The following PXDN variants were observed in gnomAD, a reference collection of about 807,000 sequenced individuals.
The protein encoded by PXDN is peroxidasin homolog.
A neutral mutation model predicts 140.3 loss-of-function variants in PXDN; 77 were observed. That is an observed-to-expected ratio of 0.55 (90% CI 0.46 to 0.66). PXDN has a LOEUF of 0.66. PXDN is among the 30% of genes least tolerant of loss of function. PXDN has a pLI of 0.00. For missense variants in PXDN, 1,838 were observed against 2,039.5 expected (o/e 0.90, Z 1.90); for synonymous variants, 911 against 857.4 (o/e 1.06, Z -1.09).
At chr2:1,675,740 G>A (rs564222167) in intron 8 of PXDN, among the ~76,000 whole-genome samples, 10 of 148,506 alleles carry the variant, frequency 6.7e-5, no homozygotes, top group African/African-American at 1.8e-4. Context: ...AGCCCAGCCC[G>A]GTTTGCCTCT....
chr2:1,640,845 G>A (rs1682709824), intron 19 of PXDN, among the ~76,000 whole-genome samples: 1 of 152,178 alleles, frequency 6.6e-6, no homozygotes, highest in Non-Finnish European at 1.5e-5. Context: ...AAGCAGCAGG[G>A]CCAGGACACG....
At chr2:1,672,062 A>C (rs1409160405) in intron 9 of PXDN, 2 of 151,842 alleles carry the variant, frequency 1.3e-5, no homozygotes, top group Non-Finnish European at 2.9e-5. Flanking sequence ...GGCAGTAGGC[A>C]GGTGTGGACT....
rs369039202 is a variant in PXDN at position 1,677,031 on chromosome 2, G to A, written c.744C>T (p.Ile248=). 23 of 1,603,866 alleles carry A rather than the reference G, an allele frequency of 1.4e-5. No individual in the cohort carries two copies. Among genetic ancestry groups the A allele is most frequent in the Non-Finnish European group, 2.0e-5 (23 of 1,173,294 alleles). ...CATCTGCGTCCTGGGGCTCGGAGGT[G>A]ATCCGGGGCCTTTCTGTGCCCAACC... ...PEELNCERPR[I]TSEPQDADVT... Residue 248 remains isoleucine, a synonymous_variant, in exon 8 of 23, where the codon ATC becomes ATT. Transcript: ENST00000252804.
Position 1,683,881 on chromosome 2 carries a change from T to G in PXDN, c.489-154A>C, listed in dbSNP as rs13396471. Among the ~76,000 whole-genome samples the G allele has an allele frequency of 0.019, 2,766 of 148,060 alleles. 43 individuals carry two copies. The highest frequency in any genetic ancestry group is 0.059 in the Admixed American group (857 of 14,570). ...ATGAATCTGAAAACAAAAGAAATGG[T>G]TTTTTTTTCCTGTTTTATCAACACT... On this transcript the variant is annotated intron_variant, in intron 5 of 22. Transcript: ENST00000252804.
intron 1 of PXDN, among the ~76,000 whole-genome samples, chr2:1,715,961 C>T (rs1326749755): frequency 1.3e-5 from 2 of 152,200 alleles, no homozygotes; most frequent in Non-Finnish European, 1.5e-5. Flanking sequence ...AACAATATAG[C>T]CCTCACCCAG....
At chr2:1,677,360 C>G (rs534554026) in intron 7 of PXDN, among the ~76,000 whole-genome samples, 89 of 152,356 alleles carry the variant, frequency 5.8e-4, no homozygotes, top group African/African-American at 2.1e-3. Flanking sequence ...AGCCAAACAC[C>G]TGTGCGGAGT....
At chr2:1,702,300 C>T (rs1231975488) in intron 1 of PXDN, among the ~76,000 whole-genome samples, 3 of 152,176 alleles carry the variant, frequency 2.0e-5, no homozygotes, top group Middle Eastern at 3.2e-3. Context: ...CAGGTGCCAC[C>T]CCCCCAACCC....
chr2:1,704,953 G>A (rs1684555458), intron 1 of PXDN, among the ~76,000 whole-genome samples: 1 of 152,102 alleles, frequency 6.6e-6, no homozygotes, highest in Non-Finnish European at 1.5e-5. Context: ...AAGAGCAGAT[G>A]ATGCATCATC....
rs1558515103 is a variant in PXDN at position 1,701,494 on chromosome 2, G to GTATTTTGGAGGAAGAGTGGGTAGGAC, written c.201-8386_201-8361dup. On this transcript the variant is annotated intron_variant, in intron 1 of 22. Coordinates refer to ENST00000252804, the MANE Select transcript of PXDN (RefSeq NM_012293.3). ...GGTGCCCAGAGTGGAGGGCAAGGGT[G>GTATTTTGGAGGAAGAGTGGGTAGGAC]TATTTTGGAGGAAGAGTGGGTAGGA... 1.1e-4 allele frequency among the ~76,000 whole-genome samples: 16 copies of GTATTTTGGAGGAAGAGTGGGTAGGAC among 152,326 alleles called. No individual in the cohort carries two copies. In the South Asian group the frequency reaches 2.9e-3, roughly 28 times the overall value.
At chr2:1,658,968 C>T (rs1402393380) in intron 14 of PXDN, among the ~76,000 whole-genome samples, 2 of 152,218 alleles carry the variant, frequency 1.3e-5, no homozygotes, top group Non-Finnish European at 2.9e-5. Flanking sequence ...CTGCTCATCT[C>T]ACTGCTTCTT....
chr2:1,697,086 C>A (rs1418183828), intron 1 of PXDN, among the ~76,000 whole-genome samples: 1 of 152,106 alleles, frequency 6.6e-6, no homozygotes, highest in Non-Finnish European at 1.5e-5. Context: ...TGGGCCCCAC[C>A]CCAAATCTCC....
chr2:1,735,620 T>C (rs141457047), intron 1 of PXDN, among the ~76,000 whole-genome samples: 158 of 152,270 alleles, frequency 1.0e-3, no homozygotes, highest in Non-Finnish European at 1.7e-3. Flanking sequence ...CAGAGAACCA[T>C]GCGGCAAACA....
chr2:1,744,344 T>C lies in PXDN; in HGVS notation c.112A>G (p.Ser38Gly), dbSNP rs1572211981. 2 of 1,527,634 alleles carry C rather than the reference T, an allele frequency of 1.3e-6. No homozygotes were observed. Among genetic ancestry groups the C allele is most frequent in the Non-Finnish European group, 1.7e-6 (2 of 1,143,704 alleles). 94.6% of individuals were successfully genotyped at this position (1,527,634 alleles called of 1,614,324 possible). The change falls in exon 1 of 23, where the codon AGC becomes GGC. Residue 38 changes from serine to glycine, a missense_variant. Ser to Gly is a moderately conservative substitution (Grantham distance 56). This residue lies in a region of PXDN where 231 missense variants were observed against 201.5 expected (regional missense o/e 1.15). Coordinates refer to ENST00000252804, the MANE Select transcript of PXDN (RefSeq NM_012293.3). ...GTGGTGCGGAAGCACAGGCAGCGGC[T>C]CGGACACCCTGCGCCCGGCTTCTGG... is the stretch of plus-strand genomic sequence containing the variant. ...VAQKPGAGCP[S>G]RCLCFRTTVR...
chr2:1,706,242 G>A (rs905345804), intron 1 of PXDN, among the ~76,000 whole-genome samples: 1 of 152,202 alleles, frequency 6.6e-6, no homozygotes, highest in African/African-American at 2.4e-5. Flanking sequence ...ATCTGGGAGG[G>A]TGGGGCTTCC....
In PXDN at chr2:1,660,868, T is replaced by C. The variant is rs754269176; in HGVS notation, c.1837+13A>G. 3 of 1,604,026 alleles carry C rather than the reference T, an allele frequency of 1.9e-6. No homozygotes were observed. In the East Asian group the frequency reaches 6.7e-5, roughly 36 times the overall value. On this transcript the variant is annotated intron_variant, in intron 14 of 22. Transcript: ENST00000252804. The surrounding 1 kb of genome is among the most constrained non-coding windows in gnomAD (Gnocchi z 4.6). Reference sequence around the variant, plus strand: ...GATACCATGTGGGTAGATGTGGGCATGTGGCATCTTACCATTCACACTGAG... The same window carrying C: ...GATACCATGTGGGTAGATGTGGGCACGTGGCATCTTACCATTCACACTGAG...
rs761138863 is a variant in PXDN at position 1,680,366 on chromosome 2, T to C, written c.561-4A>G. On this transcript the variant is annotated splice_region_variant and splice_polypyrimidine_tract_variant and intron_variant, in intron 6 of 22. Transcript: ENST00000252804. The stretch of plus-strand genomic sequence containing the variant: ...AAGTGTGTTTGAGTCCAGTCGCCTG[T>C]GGGAAGGAAGATGCAGCCGGTGAGA... 3.1e-6 allele frequency: 5 copies of C among 1,613,826 alleles called. No individual in the cohort carries two copies. The African/African-American group carries it at 6.7e-5, about 22-fold the overall frequency.
intron 1 of PXDN, among the ~76,000 whole-genome samples, chr2:1,740,789 G>T (rs960038332): frequency 6.7e-6 from 1 of 149,412 alleles, no homozygotes; most frequent in Non-Finnish European, 1.5e-5. Flanking sequence ...AGCACACGGC[G>T]TGGGCCTAAC....
chr2:1,664,007 C>T (rs2125425864), intron 11 of PXDN: 1 of 513,766 alleles, frequency 1.9e-6, no homozygotes, highest in Non-Finnish European at 3.5e-6. Context: ...AAAAGCACTA[C>T]ACAGGGGGCC....
At chr2:1,739,299 A>T (rs1035612817) in intron 1 of PXDN, among the ~76,000 whole-genome samples, 3 of 152,180 alleles carry the variant, frequency 2.0e-5, no homozygotes, top group African/African-American at 7.2e-5. Context: ...AGGGAAACTG[A>T]GTCAGAACAA....
Sources: gnomAD v4.1 joint callset for allele counts (sites outside exome capture counted in the v4.1 genomes callset) on GRCh38, gnomAD v4.1.1 for gene constraint, gnomAD v4.1.1 regional missense constraint, Gnocchi (gnomAD v3.1) non-coding constraint, MANE v1.5 for transcripts, NCBI Gene and HGNC (gene_info 2026-07-23, HGNC 2026-07-21) for gene names.